SLC16A7: variants seen among roughly 807,000 people sequenced by gnomAD.
SLC16A7 encodes the protein solute carrier family 16 member 7.
In SLC16A7, 33 loss-of-function variants were observed where a neutral mutation model predicts 34.9. The ratio of observed to expected loss-of-function variants is 0.94; its 90% CI spans 0.72 to 1.26. The LOEUF is 1.26. SLC16A7 is among the 50% of genes most tolerant of loss of function. The pLI, the probability that SLC16A7 is intolerant of heterozygous loss-of-function variation, is 0.00. For synonymous variants in SLC16A7, 201 were observed against 206.6 expected (o/e 0.97, Z 0.23); for missense variants, 573 against 578.1 (o/e 0.99, Z 0.09).
At chr12:59,630,123 C>T (rs1179177026) in intron 1 of SLC16A7, among the ~76,000 whole-genome samples, 2 of 151,842 alleles carry the variant, frequency 1.3e-5, no homozygotes. Flanking sequence ...TTCTTTCTTT[C>T]TGAATACACC....
In SLC16A7 at chr12:59,706,018, C is replaced by T. The variant is rs185705349; in HGVS notation, c.217+1000C>T. On this transcript the variant is annotated intron_variant, in intron 3 of 5. Transcript: ENST00000547379. ...ATATGACTTAATCCTCTTAATGATCCGTGAAATAAGTATTATCTTCTCTTT... is the reference window on the plus strand; with the variant it reads ...ATATGACTTAATCCTCTTAATGATCTGTGAAATAAGTATTATCTTCTCTTT... Among the ~76,000 whole-genome samples the T allele has an allele frequency of 1.6e-3, 240 of 152,136 alleles. 1 individual carries two copies. Among genetic ancestry groups the T allele is most frequent in the African/African-American group, 5.6e-3 (232 of 41,526 alleles).
At position 59,608,853 on chromosome 12, in the gene SLC16A7, G is replaced by A. The variant is rs190028894; in HGVS notation, c.-130+12617G>A. ...TTTTCAAATGTTCCAAATAAAGGTG[G>A]GGAAGAAACACTTCTAAAAAAAGTG... On this transcript the variant is annotated intron_variant, in intron 1 of 5. Transcript: ENST00000547379. Among the ~76,000 whole-genome samples the A allele has an allele frequency of 1.6e-4, 25 of 152,082 alleles. No individual in the cohort carries two copies. The East Asian group carries it at 4.1e-3, about 25-fold the overall frequency.
chr12:59,701,348 C>T (rs1872855679), intron 2 of SLC16A7, among the ~76,000 whole-genome samples: 1 of 150,714 alleles, frequency 6.6e-6, no homozygotes, highest in African/African-American at 2.4e-5. Flanking sequence ...GTATTCGTAG[C>T]ATTTGAAGCT....
chr12:59,764,695 G>T (rs1049740523), intron 3 of SLC16A7, among the ~76,000 whole-genome samples: 4 of 152,082 alleles, frequency 2.6e-5, no homozygotes, highest in Non-Finnish European at 2.9e-5. Flanking sequence ...ATATTCCATG[G>T]TGTATATGTG....
intron 1 of SLC16A7, among the ~76,000 whole-genome samples, chr12:59,629,483 A>G (rs1246548962): frequency 6.6e-6 from 1 of 152,002 alleles, no homozygotes; most frequent in East Asian, 1.9e-4. Context: ...ACCAGTATCC[A>G]TATATACATG....
intron 1 of SLC16A7, among the ~76,000 whole-genome samples, chr12:59,650,081 CT>C (rs201904644): frequency 1.1e-4 from 17 of 150,946 alleles, no homozygotes; most frequent in African/African-American, 2.9e-4. Flanking sequence ...TATATATCAT[CT>C]TTTTTTTTGC....
intron 2 of SLC16A7, among the ~76,000 whole-genome samples, chr12:59,666,582 TAGTG>T (rs535334335): frequency 1.4e-4 from 21 of 152,130 alleles, no homozygotes; most frequent in Non-Finnish European, 2.9e-4. Context: ...ATTCTTGTGA[TAGTG>T]AGTAAGTCCT....
intron 3 of SLC16A7, among the ~76,000 whole-genome samples, chr12:59,711,352 G>C (rs1234598685): frequency 6.6e-6 from 1 of 152,166 alleles, no homozygotes; most frequent in Non-Finnish European, 1.5e-5. Flanking sequence ...GGTTTTACTA[G>C]TCACTCATGG....
At chr12:59,744,571 G>A (rs980016945) in intron 3 of SLC16A7, among the ~76,000 whole-genome samples, 4 of 152,066 alleles carry the variant, frequency 2.6e-5, no homozygotes, top group Non-Finnish European at 5.9e-5. Flanking sequence ...ACAAGAGCTC[G>A]GGTGCCACAG....
At chr12:59,637,060 G>C (rs545940033) in intron 1 of SLC16A7, among the ~76,000 whole-genome samples, 1 of 152,202 alleles carries the variant, frequency 6.6e-6, no homozygotes, top group South Asian at 2.1e-4. Context: ...CTGTCACCAT[G>C]TCACATGATT....
intron 2 of SLC16A7, among the ~76,000 whole-genome samples, chr12:59,703,573 C>T (rs1278364843): frequency 1.3e-5 from 2 of 152,028 alleles, no homozygotes; most frequent in African/African-American, 4.8e-5. Flanking sequence ...CTGTACAAAT[C>T]ATTGTGGCAA....
chr12:59,766,965 CT>C (rs1381673347), intron 3 of SLC16A7, among the ~76,000 whole-genome samples: 1 of 151,942 alleles, frequency 6.6e-6, no homozygotes, highest in Non-Finnish European at 1.5e-5. Flanking sequence ...TGGTCCTGGG[CT>C]TTTTTTGGTT....
intron 2 of SLC16A7, among the ~76,000 whole-genome samples, chr12:59,704,158 C>T (rs1194382417): frequency 7.0e-6 from 1 of 142,170 alleles, no homozygotes; most frequent in Non-Finnish European, 1.5e-5. Context: ...CAATATCATG[C>T]CACTGCACTC....
intron 1 of SLC16A7, among the ~76,000 whole-genome samples, chr12:59,603,374 TACCATC>T (rs1878781280): frequency 6.6e-6 from 1 of 152,212 alleles, no homozygotes; most frequent in Admixed American, 6.5e-5. Context: ...CATCTCCCAC[TACCATC>T]ATACTCAACT....
intron 2 of SLC16A7, among the ~76,000 whole-genome samples, chr12:59,658,263 A>T (rs1444461979): frequency 6.6e-6 from 1 of 151,924 alleles, no homozygotes; most frequent in Non-Finnish European, 1.5e-5. Context: ...TTACAGTCTT[A>T]CTTCTCCCAC....
chr12:59,637,504 G>T (rs1015879407), intron 1 of SLC16A7, among the ~76,000 whole-genome samples: 2 of 151,468 alleles, frequency 1.3e-5, no homozygotes, highest in African/African-American at 4.9e-5. Flanking sequence ...GGTTAGAAAG[G>T]TGTGAGACCT....
At chr12:59,634,876 G>A (rs943305623) in intron 1 of SLC16A7, among the ~76,000 whole-genome samples, 7 of 152,004 alleles carry the variant, frequency 4.6e-5, no homozygotes, top group Non-Finnish European at 4.4e-5. Context: ...GATATTCCTA[G>A]ATATAAATTA....
At position 59,708,439 on chromosome 12, in the gene SLC16A7, A is replaced by G. The variant is rs373016164; in HGVS notation, c.217+3421A>G. Among the ~76,000 whole-genome samples, 5 of 152,308 alleles carry G rather than the reference A, an allele frequency of 3.3e-5. 1 individual carries two copies. The highest frequency in any genetic ancestry group is 6.5e-5 in the Admixed American group (1 of 15,270). The stretch of plus-strand genomic sequence containing the variant: ...AAGAAAATCACTATTTGATTTTAAA[A>G]TACTTAAATTTTCTTACACTATGTG... On this transcript the variant is annotated intron_variant, in intron 3 of 5. Transcript: ENST00000547379.
intron 5 of SLC16A7, among the ~76,000 whole-genome samples, chr12:59,776,622 G>A (rs1882782241): frequency 6.6e-6 from 1 of 152,050 alleles, no homozygotes; most frequent in African/African-American, 2.4e-5. Context: ...GAACCATTCT[G>A]AAAGTGTGAA....
Sources: gnomAD v4.1 joint callset for allele counts (sites outside exome capture counted in the v4.1 genomes callset) on GRCh38, gnomAD v4.1.1 for gene constraint, MANE v1.5 for transcripts, NCBI Gene and HGNC (gene_info 2026-07-23, HGNC 2026-07-21) for gene names.